Variants in RBM27 observed in about 807,000 individuals in gnomAD.
The protein encoded by RBM27 is RNA-binding protein 27.
Under a neutral mutation model 135.3 loss-of-function variants are expected in RBM27, and 22 were observed. That is an observed-to-expected ratio of 0.16 (90% CI 0.12 to 0.23). The LOEUF (loss-of-function observed/expected upper bound fraction) is 0.23, where lower values mean the gene tolerates loss of function less well. Among genes scored for constraint, RBM27 ranks in the 10% least tolerant of loss-of-function variants. The pLI is 1.00. For missense variants in RBM27, 1,009 were observed against 1,281.0 expected (o/e 0.79, Z 3.24); for synonymous variants, 481 against 442.4 (o/e 1.09, Z -1.10).
chr5:146,203,876 G>A (rs13166997), intron 1 of RBM27, 52 bp downstream of exon 1: 1 of 1,494,590 alleles, frequency 6.7e-7, no homozygotes, highest in Non-Finnish European at 9.1e-7. Flanking sequence ...TTGGGGGCTC[G>A]CGGGGGCGTG....
In RBM27 at chr5:146,203,657, C is replaced by A; in HGVS notation, c.-109C>A. ...GTAGGTTGAAGTCTCCTAAGATGCC[C>A]GGTGGGCTGGGGCACCGGGAGCTGT... On this transcript the variant is annotated 5_prime_UTR_variant, in exon 1 of 21. Transcript: ENST00000265271. 2 of 1,027,548 alleles carry A rather than the reference C, an allele frequency of 1.9e-6. No homozygotes were observed. Among genetic ancestry groups the A allele is most frequent in the Non-Finnish European group, 2.9e-6 (2 of 679,544 alleles). The allele number at this position is 1,027,548 out of a possible 1,614,324, so 63.7% of individuals were successfully genotyped here. A position where few individuals can be genotyped will look rare whatever the true frequency, so the allele number is the denominator to read the frequency against.
intron 11 of RBM27, among the ~76,000 whole-genome samples, chr5:146,259,257 T>C (rs534462078): frequency 6.6e-6 from 1 of 152,098 alleles, no homozygotes; most frequent in Non-Finnish European, 1.5e-5. Context: ...GGCTCACGCC[T>C]ATAATCCCAG....
At chr5:146,282,566 A>G (rs1759409619) in intron 19 of RBM27, among the ~76,000 whole-genome samples, 1 of 152,216 alleles carries the variant, frequency 6.6e-6, no homozygotes, top group Non-Finnish European at 1.5e-5. Context: ...CAGTATAACA[A>G]CTATTTACAT....
chr5:146,284,801 A>G, intron 20 of RBM27, 69 bp downstream of exon 20: 1 of 919,606 alleles, frequency 1.1e-6, no homozygotes, highest in Non-Finnish European at 1.7e-6. Flanking sequence ...TTATGATATT[A>G]AATAGTATAA....
Position 146,254,890 on chromosome 5 carries a change from GGTTTAACCTCTCTCTGATTT to G in RBM27, c.1445-49_1445-30del, listed in dbSNP as rs1581205632. 18 of 1,412,262 alleles carry G rather than the reference GGTTTAACCTCTCTCTGATTT, an allele frequency of 1.3e-5. No individual in the cohort carries two copies. In the East Asian group the frequency reaches 4.4e-4, roughly 34 times the overall value. 87.5% of individuals were successfully genotyped at this position (1,412,262 alleles called of 1,614,324 possible). ...TGTTTATTTTATAACAATGAGAGAT[GGTTTAACCTCTCTCTGATTT>G]GTTGTGTGTTTTGTTGCTTTGTTTT... On this transcript the variant is annotated intron_variant, in intron 9 of 20. Coordinates refer to ENST00000265271, the MANE Select transcript of RBM27 (RefSeq NM_018989.2).
At chr5:146,233,147 C>G (rs1039055959) in intron 6 of RBM27, among the ~76,000 whole-genome samples, 1 of 152,156 alleles carries the variant, frequency 6.6e-6, no homozygotes, top group East Asian at 1.9e-4. Context: ...TTTAAAATAT[C>G]TGAGTTTTTA....
chr5:146,246,061 T>A (rs1757610965), intron 8 of RBM27, among the ~76,000 whole-genome samples: 1 of 152,164 alleles, frequency 6.6e-6, no homozygotes, highest in Non-Finnish European at 1.5e-5. Context: ...CTTTCATTTT[T>A]TCTTTAAGTG....
At chr5:146,275,980 A>G (rs1383645211) in intron 19 of RBM27, among the ~76,000 whole-genome samples, 1 of 152,026 alleles carries the variant, frequency 6.6e-6, no homozygotes, top group Non-Finnish European at 1.5e-5. Flanking sequence ...CTTCTATCCT[A>G]CCATGTTGCC....
rs778921190 is a variant in RBM27 at position 146,228,929 on chromosome 5, T to C, written c.304-17T>C. The C allele has an allele frequency of 6.2e-7, 1 of 1,608,232 alleles. No homozygotes were observed. The highest frequency in any genetic ancestry group is 8.5e-7 in the Non-Finnish European group (1 of 1,175,272). ...TGCCTGGCCCTGCTCTTACTTCTAC[T>C]CAATATTTTCATATAGGTATTTCAG... On this transcript the variant is annotated splice_polypyrimidine_tract_variant and intron_variant, in intron 3 of 20. Transcript: ENST00000265271.
In RBM27 at chr5:146,284,720, A is replaced by C; in HGVS notation, c.3087A>C (p.Glu1029Asp). 1.9e-6 allele frequency: 3 copies of C among 1,605,946 alleles called. No homozygotes were observed. The highest frequency in any genetic ancestry group is 1.1e-5 in the South Asian group (1 of 90,358). ...TATCCACTGAGACTGAAGAAGAAGA[A>C]GTCAAGGAGGAGGTAAATTTAGTGG... ...PSISTETEEE[E>D]VKEEETETSD... Residue 1029 changes from glutamate (E) to aspartate (D), a missense_variant, in exon 20 of 21, where the codon GAA becomes GAC. Physicochemically the swap from Glu to Asp is conservative, Grantham distance 45 (BLOSUM62 2). This residue lies in a region of RBM27 where 355 missense variants were observed against 427.3 expected (regional missense o/e 0.83). Coordinates refer to ENST00000265271, the MANE Select transcript of RBM27 (RefSeq NM_018989.2).
chr5:146,237,798 T>C (rs1757234690), intron 8 of RBM27, among the ~76,000 whole-genome samples: 1 of 152,052 alleles, frequency 6.6e-6, no homozygotes, highest in Non-Finnish European at 1.5e-5. Context: ...AGTGATTCTC[T>C]TGCCTCAGCC....
intron 1 of RBM27, among the ~76,000 whole-genome samples, chr5:146,212,738 C>T (rs770287507): frequency 6.6e-6 from 1 of 150,484 alleles, no homozygotes; most frequent in Non-Finnish European, 1.5e-5. Flanking sequence ...GAGATGGAGT[C>T]TTGCTTTATT....
chr5:146,239,467 C>CT (rs368919868), intron 8 of RBM27, among the ~76,000 whole-genome samples: 20 of 130,774 alleles, frequency 1.5e-4, no homozygotes, highest in South Asian at 2.4e-4. Context: ...TTTTTTTTTC[C>CT]TTTTCTTTTT....
chr5:146,221,078 G>A (rs1260154701), intron 2 of RBM27, among the ~76,000 whole-genome samples: 1 of 151,516 alleles, frequency 6.6e-6, no homozygotes, highest in African/African-American at 2.4e-5. Flanking sequence ...AAAATTAGCC[G>A]GGCATGGTGG....
At chr5:146,282,994 A>T (rs1269493996) in intron 19 of RBM27, among the ~76,000 whole-genome samples, 4 of 152,230 alleles carry the variant, frequency 2.6e-5, no homozygotes, top group Non-Finnish European at 5.9e-5. Flanking sequence ...TATGCAATAC[A>T]TTTAATGCCT....
chr5:146,248,492 G>C (rs967066663), intron 8 of RBM27, among the ~76,000 whole-genome samples: 5 of 152,148 alleles, frequency 3.3e-5, no homozygotes, highest in African/African-American at 1.2e-4. Context: ...TTGAGGCAGA[G>C]GCTTTCTCTG....
chr5:146,207,846 G>A (rs1229539115), intron 1 of RBM27, among the ~76,000 whole-genome samples: 2 of 149,206 alleles, frequency 1.3e-5, no homozygotes, highest in Admixed American at 6.7e-5. Flanking sequence ...GTAGAGATGG[G>A]GTTTCACCGT....
intron 15 of RBM27, among the ~76,000 whole-genome samples, chr5:146,268,474 T>G (rs1180491090): frequency 6.6e-6 from 1 of 152,152 alleles, no homozygotes; most frequent in Non-Finnish European, 1.5e-5. Flanking sequence ...ACTCCCAACC[T>G]CAGGTGATCC....
chr5:146,243,262 A>G lies in RBM27; in HGVS notation c.1279+5830A>G, dbSNP rs571788326. On this transcript the variant is annotated intron_variant, in intron 8 of 20. Coordinates refer to ENST00000265271, the MANE Select transcript of RBM27 (RefSeq NM_018989.2). ...GCCTGGGCAACAAGAGCGAAACGCC[A>G]TCTCAAAAAAATAAATAAAATAAAG... 2.5e-3 allele frequency among the ~76,000 whole-genome samples: 380 copies of G among 152,278 alleles called. 4 individuals carry two copies. The highest frequency in any genetic ancestry group is 8.8e-3 in the African/African-American group (367 of 41,564).
Sources: allele counts gnomAD v4.1 joint callset (sites outside exome capture counted in the v4.1 genomes callset), GRCh38; gene constraint gnomAD v4.1.1; regional missense constraint gnomAD v4.1.1; transcripts MANE v1.5; gene names NCBI Gene and HGNC (gene_info 2026-07-23, HGNC 2026-07-21).